USP4: variants seen among roughly 807,000 people sequenced by gnomAD.
The protein encoded by USP4 is ubiquitin carboxyl-terminal hydrolase 4.
A neutral mutation model predicts 118.2 loss-of-function variants in USP4; 72 were observed. The ratio of observed to expected loss-of-function variants is 0.61; its 90% CI spans 0.50 to 0.74. The LOEUF is 0.74. Ranked by LOEUF, USP4 falls within the 30% of genes least tolerant of loss-of-function variation. The probability of loss-of-function intolerance (pLI) is 0.00; values close to 1 mark genes in which losing one functional copy is unlikely to be tolerated. For synonymous variants in USP4, 415 were observed against 440.4 expected, an observed-to-expected ratio of 0.94 and a Z score of 0.72; for missense variants, 1,037 against 1,185.7, an observed-to-expected ratio of 0.87 and a Z score of 1.84.
intron 20 of USP4, 123 bp downstream of exon 20, chr3:49,280,604 ATCAGTATGAAGAAAGCG>A: frequency 1.7e-6 from 1 of 572,542 alleles, no homozygotes; most frequent in Admixed American, 3.5e-5. Flanking sequence ...AGAGAGGGGA[ATCAGTATGAAGAAAGCG>A]TGCAGCATGA....
At chr3:49,306,506 T>C (rs2047320150) in intron 8 of USP4, among the ~76,000 whole-genome samples, 1 of 151,438 alleles carries the variant, frequency 6.6e-6, no homozygotes, top group Admixed American at 6.6e-5. Flanking sequence ...CCCAGCCTTT[T>C]TCATTAGTTT....
intron 8 of USP4, among the ~76,000 whole-genome samples, chr3:49,306,942 G>A (rs1390159374): frequency 6.6e-6 from 1 of 151,450 alleles, no homozygotes; most frequent in African/African-American, 2.4e-5. Flanking sequence ...GCGCCACCAC[G>A]CCCAGCTAAT....
Position 49,298,629 on chromosome 3 carries a change from C to G in USP4, c.1519G>C (p.Val507Leu). ...ACAGCCCCCATCAGCGGCACAGTCA[C>G]ACGGTACTGCAAGACAGAGATGGTC... ...DPHCRPTQYR[V>L]TVPLMGAVSD... is the part of the protein sequence containing the mutation. The change falls in exon 12 of 22, where the codon GTG (valine) becomes CTG (leucine). Residue 507 changes from valine to leucine, a missense_variant. Val to Leu is a conservative substitution (Grantham distance 32). Coordinates refer to ENST00000265560, the MANE Select transcript of USP4 (RefSeq NM_003363.4). The G allele has an allele frequency of 6.2e-7, 1 of 1,614,154 alleles. No homozygotes were observed. Among genetic ancestry groups the G allele is most frequent in the Non-Finnish European group, 8.5e-7 (1 of 1,179,992 alleles).
chr3:49,323,880 A>G (rs2047525376), intron 6 of USP4, among the ~76,000 whole-genome samples: 1 of 152,200 alleles, frequency 6.6e-6, no homozygotes, highest in Non-Finnish European at 1.5e-5. Flanking sequence ...CATCTCTTGA[A>G]ACAGATGTGT....
chr3:49,330,616 C>T (rs1217711559), intron 2 of USP4, among the ~76,000 whole-genome samples: 2 of 151,942 alleles, frequency 1.3e-5, no homozygotes, highest in Non-Finnish European at 1.5e-5. Flanking sequence ...CAGGCGTAAG[C>T]CACTGCACCT....
At chr3:49,287,342 G>C (rs2047106209) in intron 15 of USP4, among the ~76,000 whole-genome samples, 2 of 151,762 alleles carry the variant, frequency 1.3e-5, no homozygotes, top group African/African-American at 4.9e-5. Context: ...TTTTAGTAGA[G>C]ACAAGGGTTC....
intron 14 of USP4, among the ~76,000 whole-genome samples, chr3:49,293,965 G>A: frequency 6.6e-6 from 1 of 151,068 alleles, no homozygotes; most frequent in African/African-American, 2.4e-5. Context: ...TCCAGGGGCT[G>A]GCACAAGTGC....
At chr3:49,335,656 G>T in intron 1 of USP4, 60 bp from the exon 2 acceptor site, 1 of 1,594,204 alleles carries the variant, frequency 6.3e-7, no homozygotes. Context: ...TTCTGCAGCT[G>T]CTTCCTTAAT....
chr3:49,330,559 C>A (rs2047605952), intron 2 of USP4, among the ~76,000 whole-genome samples: 2 of 151,574 alleles, frequency 1.3e-5, no homozygotes, highest in South Asian at 4.2e-4. Context: ...TCTCAATCTC[C>A]TGACCTCGTG....
At chr3:49,284,274 G>A in intron 18 of USP4, 138 bp from the exon 19 acceptor site, 2 of 1,274,454 alleles carry the variant, frequency 1.6e-6, no homozygotes, top group Non-Finnish European at 2.2e-6. Context: ...CTTCTGGCCA[G>A]GGACCTGTCT....
At chr3:49,329,416 G>A (rs1377476842) in intron 2 of USP4, among the ~76,000 whole-genome samples, 1 of 151,962 alleles carries the variant, frequency 6.6e-6, no homozygotes, top group African/African-American at 2.4e-5. Flanking sequence ...GTGGGCAGGT[G>A]GGAGTGGCAG....
At chr3:49,312,752 C>A in intron 6 of USP4, 1 of 246,948 alleles carries the variant, frequency 4.0e-6, no homozygotes, top group Non-Finnish European at 8.2e-6. Context: ...CGAGATCGTG[C>A]CACTGCACTC....
chr3:49,337,908 T>C (rs1372279535), intron 1 of USP4, among the ~76,000 whole-genome samples: 2 of 151,328 alleles, frequency 1.3e-5, no homozygotes, highest in South Asian at 4.2e-4. Context: ...TAGCGGGGCA[T>C]GGTGGTGCAT....
chr3:49,297,938 G>GT lies in USP4; in HGVS notation c.1622dup (p.His541GlnfsTer11), dbSNP rs1403607858. The GT allele has an allele frequency of 1.9e-6, 3 of 1,613,812 alleles. No individual in the cohort carries two copies. The highest frequency in any genetic ancestry group is 1.7e-6 in the Non-Finnish European group (2 of 1,179,736). ...CCATTTGGAAAATTTTGTGGAATCG[G>GT]TGATTATACACATCTGCGACCACCA... On this transcript the variant is annotated frameshift_variant, in exon 13 of 22. Transcript: ENST00000265560. LOFTEE classifies it high-confidence loss of function.
chr3:49,335,532 T>C lies in USP4; in HGVS notation c.166A>G (p.Met56Val). The change falls in exon 2 of 22, where the codon ATG (methionine) becomes GTG (valine). Residue 56 changes from methionine to valine, a missense_variant. Transcript: ENST00000265560. ...AGGTTATGTTCACCCACATTGTACA[T>C]GTCCCAGCTGTCAAAGCCCACATAC... ...KKYVGFDSWD[M>V]YNVGEHNLFP... 2 of 1,614,234 alleles carry C rather than the reference T, an allele frequency of 1.2e-6. No individual in the cohort carries two copies. Among genetic ancestry groups the C allele is most frequent in the African/African-American group, 1.3e-5 (1 of 75,068 alleles).
intron 15 of USP4, among the ~76,000 whole-genome samples, chr3:49,289,339 T>C (rs2047129521): frequency 6.6e-6 from 1 of 152,282 alleles, no homozygotes; most frequent in East Asian, 1.9e-4. Context: ...GTGAAGCAGA[T>C]ATCCTTTTGC....
chr3:49,324,040 C>T (rs1158239354), intron 6 of USP4, among the ~76,000 whole-genome samples: 1 of 152,064 alleles, frequency 6.6e-6, no homozygotes, highest in Admixed American at 6.6e-5. Flanking sequence ...GCACTGTCAC[C>T]TAGGCTGGAG....
intron 20 of USP4, 155 bp from the exon 21 acceptor site, chr3:49,279,057 T>C: frequency 2.2e-6 from 1 of 447,252 alleles, no homozygotes; most frequent in South Asian, 4.0e-5. Context: ...AAAAAACAAC[T>C]CACCTTCTTT....
At chr3:49,318,746 T>A (rs1280038556) in intron 6 of USP4, 3 of 377,540 alleles carry the variant, frequency 7.9e-6, no homozygotes, top group Non-Finnish European at 1.1e-5. Flanking sequence ...CCATCTCTAC[T>A]AAAAATACAA....
Sources: allele counts gnomAD v4.1 joint callset (sites outside exome capture counted in the v4.1 genomes callset), GRCh38; gene constraint gnomAD v4.1.1; transcripts MANE v1.5; gene names NCBI Gene and HGNC (gene_info 2026-07-23, HGNC 2026-07-21).